The following LAMB1 variants were observed in gnomAD, a reference collection of about 807,000 sequenced individuals.
LAMB1 encodes laminin subunit beta-1.
Under a neutral mutation model 222.3 loss-of-function variants are expected in LAMB1, and 121 were observed. That is an observed-to-expected ratio of 0.54 (90% CI 0.47 to 0.63). LAMB1 has a LOEUF of 0.63. Among genes scored for constraint, LAMB1 ranks in the 30% least tolerant of loss-of-function variants. The pLI, the probability that LAMB1 is intolerant of heterozygous loss-of-function variation, is 0.00. For synonymous variants in LAMB1, 794 were observed against 807.2 expected, an observed-to-expected ratio of 0.98 and a Z score of 0.28; for missense variants, 2,172 against 2,240.8, an observed-to-expected ratio of 0.97 and a Z score of 0.62.
chr7:107,953,155 G>A lies in LAMB1; in HGVS notation c.3079+375C>T, dbSNP rs375220273. On this transcript the variant is annotated intron_variant, in intron 22 of 33. Coordinates refer to ENST00000222399, the MANE Select transcript of LAMB1 (RefSeq NM_002291.3). ...GTGGATCACCTGAGGTCAGGAGTTC[G>A]AGACCAACCTGACCAACATGGTGAA... Among the ~76,000 whole-genome samples, 243 of 152,188 alleles carry A rather than the reference G, an allele frequency of 1.6e-3. 1 individual carries two copies. The highest frequency in any genetic ancestry group is 0.01 in the Middle Eastern group (3 of 294).
intron 25 of LAMB1, among the ~76,000 whole-genome samples, chr7:107,939,523 CTGT>C (rs551616453): frequency 6.6e-4 from 100 of 152,194 alleles, no homozygotes; most frequent in African/African-American, 2.0e-3. Context: ...TTCTGCAATC[CTGT>C]TGTTATTTTA....
intron 9 of LAMB1, 42 bp from the exon 10 acceptor site, chr7:107,975,919 A>G (rs2033845296): frequency 1.3e-6 from 2 of 1,546,938 alleles, no homozygotes; most frequent in Non-Finnish European, 1.8e-6. Flanking sequence ...TTTTAAATCT[A>G]TGGACCAATG....
intron 5 of LAMB1, among the ~76,000 whole-genome samples, chr7:107,993,052 C>A (rs1422790337): frequency 6.6e-6 from 1 of 152,116 alleles, no homozygotes; most frequent in Middle Eastern, 3.2e-3. Context: ...CCCAATGTAC[C>A]CAACCCCATA....
At chr7:108,002,461 C>T (rs906723590) in intron 2 of LAMB1, 2 of 1,281,988 alleles carry the variant, frequency 1.6e-6, no homozygotes, top group African/African-American at 3.0e-5. Flanking sequence ...ATGAAGCCTC[C>T]GCTCAGCTCA....
chr7:107,962,873 T>A, intron 15 of LAMB1, 32 bp downstream of exon 15: 2 of 1,590,890 alleles, frequency 1.3e-6, no homozygotes, highest in Non-Finnish European at 1.7e-6. Context: ...CTCCCCTCCC[T>A]CCTCCACCAG....
At chr7:107,950,224 C>T (rs1349877578) in intron 24 of LAMB1, among the ~76,000 whole-genome samples, 2 of 149,168 alleles carry the variant, frequency 1.3e-5, no homozygotes, top group Non-Finnish European at 3.0e-5. Flanking sequence ...AGCGAGACTC[C>T]GTCTCAAAAA....
At chr7:107,981,053 T>A (rs1021901983) in intron 7 of LAMB1, among the ~76,000 whole-genome samples, 1 of 152,164 alleles carries the variant, frequency 6.6e-6, no homozygotes, top group Non-Finnish European at 1.5e-5. Context: ...AGCTCACACC[T>A]GTAATTCCAG....
Position 107,925,898 on chromosome 7 carries a change from T to TAA in LAMB1, c.5064+283_5064+284dup, listed in dbSNP as rs34631145. ...CTGGTTTTTGTCAATATAGTTGGTT[T>TAA]AAAAAAAAAAAAAAAGCCTGTTTTG... On this transcript the variant is annotated intron_variant, in intron 32 of 33. Transcript: ENST00000222399. Among the ~76,000 whole-genome samples the TAA allele has an allele frequency of 0.63, 89,119 of 142,576 alleles. 27,719 individuals carry two copies. Among genetic ancestry groups the TAA allele is most frequent in the East Asian group, 0.84 (4,133 of 4,902 alleles). The allele number at this position is 142,576 out of a possible 152,430, so 93.5% of individuals were successfully genotyped here.
chr7:107,961,435 A>C, intron 16 of LAMB1, 106 bp from the exon 17 acceptor site: 1 of 1,571,432 alleles, frequency 6.4e-7, no homozygotes, highest in Admixed American at 1.9e-5. Flanking sequence ...AAAGGAAAAA[A>C]GTCAGCAGTC....
intron 24 of LAMB1, among the ~76,000 whole-genome samples, chr7:107,945,160 T>A (rs1411572701): frequency 1.3e-5 from 2 of 152,252 alleles, no homozygotes; most frequent in African/African-American, 4.8e-5. Context: ...CTCTCTGTTC[T>A]GTGGCCAGTA....
intron 8 of LAMB1, among the ~76,000 whole-genome samples, chr7:107,980,045 T>TA (rs1213456021): frequency 6.6e-6 from 1 of 152,112 alleles, no homozygotes; most frequent in Non-Finnish European, 1.5e-5. Flanking sequence ...CCACCTCTAC[T>TA]AAAAACACAA....
intron 17 of LAMB1, 78 bp downstream of exon 17, chr7:107,961,128 C>A (rs1375572563): frequency 1.3e-6 from 2 of 1,576,896 alleles, no homozygotes; most frequent in Admixed American, 1.7e-5. Flanking sequence ...CATTACCCCT[C>A]AACAAAACAC....
intron 3 of LAMB1, 119 bp downstream of exon 3, chr7:108,001,439 C>A (rs761949427): frequency 5.1e-6 from 6 of 1,168,296 alleles, no homozygotes; most frequent in Non-Finnish European, 7.1e-6. Context: ...CGGGACTCCC[C>A]GGCTGGCTGC....
chr7:107,927,912 C>T (rs2032602742), intron 31 of LAMB1, among the ~76,000 whole-genome samples: 1 of 152,146 alleles, frequency 6.6e-6, no homozygotes, highest in Non-Finnish European at 1.5e-5. Flanking sequence ...AATTCATCTT[C>T]CCAGGTTTTA....
chr7:107,991,479 T>TG (rs902848915), intron 5 of LAMB1, among the ~76,000 whole-genome samples: 2 of 149,538 alleles, frequency 1.3e-5, no homozygotes, highest in African/African-American at 5.0e-5. Flanking sequence ...CCCAGCTACT[T>TG]GGGGGGCTGA....
intron 29 of LAMB1, among the ~76,000 whole-genome samples, chr7:107,930,342 C>T (rs2032675324): frequency 6.6e-6 from 1 of 152,162 alleles, no homozygotes; most frequent in Non-Finnish European, 1.5e-5. Context: ...AAATGGACCC[C>T]AGAGGATTTA....
In LAMB1 at chr7:107,951,280, T is replaced by C; in HGVS notation, c.3337A>G (p.Thr1113Ala). Reference sequence around the variant, plus strand: ...AAGAGTTCCTGGCACTCGCTGCAGGTGCGGCCTCCAAACCCAGGCATGCAC... The same window carrying C: ...AAGAGTTCCTGGCACTCGCTGCAGGCGCGGCCTCCAAACCCAGGCATGCAC... Reference protein sequence around the residue: ...CQCMPGFGGRTCSECQELFWG... With the variant: ...CQCMPGFGGRACSECQELFWG... Residue 1113 changes from threonine (T) to alanine (A), a missense_variant, in exon 24 of 34, where the codon ACC (threonine) becomes GCC (alanine). Transcript: ENST00000222399. 3 of 1,614,164 alleles carry C rather than the reference T, an allele frequency of 1.9e-6. No individual in the cohort carries two copies. The highest frequency in any genetic ancestry group is 1.1e-5 in the South Asian group (1 of 91,080).
Position 107,937,090 on chromosome 7 carries a change from C to A in LAMB1, c.3946+3G>T, listed in dbSNP as rs757183121. On this transcript the variant is annotated splice_donor_region_variant and intron_variant, in intron 26 of 33. Coordinates refer to ENST00000222399, the MANE Select transcript of LAMB1 (RefSeq NM_002291.3). ...GGGACTATTTGCACCAAAAAATGCT[C>A]ACCCCGAATATCTGAGTTTTTGATA... 8 of 1,612,278 alleles carry A rather than the reference C, an allele frequency of 5.0e-6. No individual in the cohort carries two copies. Among genetic ancestry groups the A allele is most frequent in the South Asian group, 1.1e-5 (1 of 90,844 alleles).
rs201329105 is a variant in LAMB1 at position 107,959,394 on chromosome 7, G to C, written c.2545C>G (p.Arg849Gly). ...QCHCFQGVYA[R>G]QCDRCLPGHW... ...CCAGGTAAGCACCGATCACACTGCC[G>C]AGCATACACTCCCTGGAAACAGTGG... Residue 849 changes from arginine (R) to glycine (G), a missense_variant, in exon 20 of 34, where the codon CGG becomes GGG. Transcript: ENST00000222399. The C allele has an allele frequency of 6.1e-5, 99 of 1,614,198 alleles. No individual in the cohort carries two copies. The highest frequency in any genetic ancestry group is 1.6e-4 in the Middle Eastern group (1 of 6,062).
Sources: gnomAD v4.1 joint callset for allele counts (sites outside exome capture counted in the v4.1 genomes callset) on GRCh38, gnomAD v4.1.1 for gene constraint, MANE v1.5 for transcripts, NCBI Gene and HGNC (gene_info 2026-07-23, HGNC 2026-07-21) for gene names.